TRIM5: variants seen among roughly 807,000 people sequenced by gnomAD.
TRIM5 encodes the protein tripartite motif containing 5.
TRIM5 carries 31 observed loss-of-function variants against 35.6 expected under a neutral mutation model. That is an observed-to-expected ratio of 0.87 (90% CI 0.65 to 1.18). TRIM5 has a LOEUF of 1.18. Among genes scored for constraint, TRIM5 ranks in the 50% most tolerant of loss-of-function variants. The pLI is 0.00. For synonymous variants in TRIM5, 243 were observed against 215.6 expected (o/e 1.13, Z -1.11); for missense variants, 609 against 591.6 (o/e 1.03, Z -0.31).
At chr11:5,677,663 T>A (rs1852097318) in intron 4 of TRIM5, among the ~76,000 whole-genome samples, 1 of 152,152 alleles carries the variant, frequency 6.6e-6, no homozygotes, top group Admixed American at 6.5e-5. Context: ...CCTCCTGACC[T>A]CATGACTGGC....
the TRIM5 span, among the ~76,000 whole-genome samples, chr11:5,609,663 C>T: frequency 1.3e-5 from 2 of 152,160 alleles, no homozygotes; most frequent in Non-Finnish European, 2.9e-5. Context: ...TGACTCACAC[C>T]TGTAATCCCA....
intron 4 of TRIM5, among the ~76,000 whole-genome samples, chr11:5,668,592 G>A (rs946296566): frequency 6.6e-6 from 1 of 151,918 alleles, no homozygotes; most frequent in Admixed American, 6.6e-5. Context: ...TGGGATTACT[G>A]GCGCCCACCA....
chr11:5,603,218 TC>T, the TRIM5 span: 13 of 1,600,460 alleles, frequency 8.1e-6, no homozygotes, highest in Non-Finnish European at 1.0e-5. Context: ...CTTACCCTGA[TC>T]CTTTTTTTGT....
intron 1 of TRIM5, among the ~76,000 whole-genome samples, 200 bp from the exon 2 acceptor site, chr11:5,680,438 A>C (rs1035013718): frequency 6.6e-6 from 1 of 152,266 alleles, no homozygotes; most frequent in African/African-American, 2.4e-5. Context: ...AGTTCATGTC[A>C]TATGACAAAT....
the TRIM5 span, chr11:5,643,444 G>A: frequency 1.2e-6 from 2 of 1,614,088 alleles, no homozygotes; most frequent in South Asian, 1.1e-5. Context: ...TGGGTTATAG[G>A]GTTACAGAAT....
At chr11:5,665,741 A>C (rs1458028763) in intron 6 of TRIM5, 59 bp from the exon 7 acceptor site, 11 of 1,470,574 alleles carry the variant, frequency 7.5e-6, no homozygotes, top group Non-Finnish European at 9.9e-6. Flanking sequence ...ACTGAAATTC[A>C]TTTTCTCTCC....
the TRIM5 span, among the ~76,000 whole-genome samples, chr11:5,620,194 T>TTTTTTTTTTC: frequency 9.8e-6 from 1 of 102,488 alleles, no homozygotes; most frequent in Admixed American, 1.0e-4. Context: ...TTTTTTTTTG[T>TTTTTTTTTTC]TGAGACTGAG....
the TRIM5 span, among the ~76,000 whole-genome samples, chr11:5,622,520 G>A: frequency 2.0e-5 from 3 of 151,780 alleles, no homozygotes; most frequent in Non-Finnish European, 4.4e-5. Flanking sequence ...TACTCAGGAG[G>A]CTGAGGTAGG....
chr11:5,591,919 C>G, the TRIM5 span, among the ~76,000 whole-genome samples: 6 of 152,164 alleles, frequency 3.9e-5, no homozygotes, highest in Non-Finnish European at 8.8e-5. Context: ...AATTGAAAAA[C>G]AGCTCACAAC....
At chr11:5,615,933 ATTT>A in the TRIM5 span, among the ~76,000 whole-genome samples, 9 of 121,376 alleles carry the variant, frequency 7.4e-5, no homozygotes, top group Admixed American at 1.8e-4. Flanking sequence ...ATATCTTTTC[ATTT>A]TTTTTTTTTT....
At chr11:5,662,378 T>C (rs1850859846), downstream of TRIM5, among the ~76,000 whole-genome samples, 1 of 152,210 alleles carries the variant, frequency 6.6e-6, no homozygotes, top group African/African-American at 2.4e-5. Flanking sequence ...GCAAAAATAA[T>C]TCTCCTCACT....
At chr11:5,605,460 A>C in the TRIM5 span, 1 of 1,614,216 alleles carries the variant, frequency 6.2e-7, no homozygotes, top group Non-Finnish European at 8.5e-7. Context: ...GGGGCTACGA[A>C]TTATAGAAGA....
chr11:5,620,212 C>T, the TRIM5 span, among the ~76,000 whole-genome samples: 3 of 112,210 alleles, frequency 2.7e-5, no homozygotes, highest in African/African-American at 1.1e-4. Flanking sequence ...GAGTCTCACT[C>T]TGTCGCCCAG....
intron 5 of TRIM5, among the ~76,000 whole-genome samples, chr11:5,667,137 C>T (rs890004206): frequency 5.9e-5 from 9 of 152,084 alleles, no homozygotes; most frequent in East Asian, 3.9e-4. Flanking sequence ...ACCCACACTC[C>T]GAGTCTCCAC....
downstream of TRIM5, among the ~76,000 whole-genome samples, chr11:5,658,794 A>C (rs1435623020): frequency 5.3e-5 from 8 of 152,218 alleles, no homozygotes; most frequent in African/African-American, 7.2e-5. Context: ...CAAATGTGGC[A>C]CTATACACCA....
At position 5,664,442 on chromosome 11, in the gene TRIM5, C is replaced by A; in HGVS notation, c.*367G>T. Reference sequence around the variant, plus strand: ...CTCATTCATTGGTGAACAATTATCACACGATGATATAGAAAGGCTGTTGAA... The same window carrying A: ...CTCATTCATTGGTGAACAATTATCAAACGATGATATAGAAAGGCTGTTGAA... On this transcript the variant is annotated 3_prime_UTR_variant, in exon 8 of 8. Transcript: ENST00000380034. The A allele has an allele frequency of 9.8e-7, 1 of 1,017,530 alleles. No individual in the cohort carries two copies. Among genetic ancestry groups the A allele is most frequent in the Non-Finnish European group, 1.2e-6 (1 of 849,210 alleles). The allele number at this position is 1,017,530 out of a possible 1,614,324, so 63.0% of individuals were successfully genotyped here. A position where few individuals can be genotyped will look rare whatever the true frequency, so the allele number is the denominator to read the frequency against.
the TRIM5 span, among the ~76,000 whole-genome samples, chr11:5,654,067 T>C: frequency 1.3e-5 from 2 of 152,142 alleles, no homozygotes; most frequent in Non-Finnish European, 2.9e-5. Flanking sequence ...ATTGTTTTCC[T>C]GATTTCTTTT....
At chr11:5,660,478 C>T (rs1033708967), downstream of TRIM5, among the ~76,000 whole-genome samples, 1 of 152,126 alleles carries the variant, frequency 6.6e-6, no homozygotes, top group Non-Finnish European at 1.5e-5. Context: ...TTGATTTTTA[C>T]ATTTTGTCCA....
the TRIM5 span, among the ~76,000 whole-genome samples, chr11:5,657,592 TATATATA>T: frequency 3.3e-4 from 32 of 97,330 alleles, no homozygotes; most frequent in South Asian, 8.2e-3. Context: ...TATAATGCAT[TATATATA>T]ATATATATTT....
Sources: allele counts gnomAD v4.1 joint callset (sites outside exome capture counted in the v4.1 genomes callset), GRCh38; gene constraint gnomAD v4.1.1; transcripts MANE v1.5; gene names NCBI Gene and HGNC (gene_info 2026-07-23, HGNC 2026-07-21).